Variants in GPC6 observed in about 807,000 individuals in gnomAD.
The protein encoded by GPC6 is glypican-6.
GPC6 carries 14 observed loss-of-function variants against 55.2 expected under a neutral mutation model. The ratio of observed to expected loss-of-function variants is 0.25; its 90% confidence interval spans 0.17 to 0.40. The LOEUF is 0.40. Ranked by LOEUF, GPC6 falls within the 10% of genes least tolerant of loss-of-function variation. The pLI is 1.00. For missense variants in GPC6, 641 were observed against 708.5 expected, an observed-to-expected ratio of 0.90 and a Z score of 1.08; for synonymous variants, 278 against 259.6, an observed-to-expected ratio of 1.07 and a Z score of -0.68.
intron 3 of GPC6, among the ~76,000 whole-genome samples, chr13:93,865,403 C>T (rs548321631): frequency 5.3e-5 from 8 of 151,820 alleles, no homozygotes; most frequent in South Asian, 2.1e-4. Context: ...TGATGGACAG[C>T]GTGAGACACC....
At chr13:93,917,197 A>G in intron 3 of GPC6, among the ~76,000 whole-genome samples, 1 of 152,308 alleles carries the variant, frequency 6.6e-6, no homozygotes, top group Admixed American at 6.5e-5. Flanking sequence ...GTTTTTTAAT[A>G]TTCAAAAACA....
At chr13:93,310,139 T>C (rs1283686078) in intron 1 of GPC6, among the ~76,000 whole-genome samples, 1 of 152,176 alleles carries the variant, frequency 6.6e-6, no homozygotes, top group Non-Finnish European at 1.5e-5. Flanking sequence ...TCCCATTCAG[T>C]CTTTCTTGTA....
At chr13:93,656,011 A>G (rs1880649252) in intron 2 of GPC6, among the ~76,000 whole-genome samples, 1 of 152,200 alleles carries the variant, frequency 6.6e-6, no homozygotes, top group South Asian at 2.1e-4. Context: ...AATTTGTACT[A>G]GGGAGATGAA....
chr13:93,314,337 A>G (rs1879170359), intron 1 of GPC6, among the ~76,000 whole-genome samples: 2 of 152,178 alleles, frequency 1.3e-5, no homozygotes, highest in Non-Finnish European at 2.9e-5. Flanking sequence ...TGATCACATC[A>G]GTTAAGCACA....
chr13:94,043,745 G>A (rs1594690552), intron 4 of GPC6, among the ~76,000 whole-genome samples: 1 of 151,770 alleles, frequency 6.6e-6, no homozygotes, highest in East Asian at 1.9e-4. Context: ...ATGTATATAA[G>A]TTGGAGTTGC....
At chr13:94,109,895 G>A (rs1202561941) in intron 4 of GPC6, among the ~76,000 whole-genome samples, 1 of 151,876 alleles carries the variant, frequency 6.6e-6, no homozygotes, top group African/African-American at 2.4e-5. Context: ...TCTAGTCATT[G>A]TGGCTCCATC....
At chr13:94,143,381 GTATTTCTA>G (rs1031814660) in intron 4 of GPC6, among the ~76,000 whole-genome samples, 15 of 152,138 alleles carry the variant, frequency 9.9e-5, no homozygotes, top group African/African-American at 3.1e-4. Flanking sequence ...TTGACAGAGA[GTATTTCTA>G]TATAGGCAGT....
At chr13:93,830,784 T>C (rs1887460973) in intron 3 of GPC6, 5 of 505,866 alleles carry the variant, frequency 9.9e-6, no homozygotes, top group Non-Finnish European at 1.8e-5. Flanking sequence ...TGTTAATACT[T>C]ATCAGCAGTA....
chr13:94,074,265 TA>T (rs1406251496), intron 4 of GPC6, among the ~76,000 whole-genome samples: 1 of 152,194 alleles, frequency 6.6e-6, no homozygotes, highest in African/African-American at 2.4e-5. Flanking sequence ...CTTTTCAAAA[TA>T]GGGGCAAATA....
intron 1 of GPC6, among the ~76,000 whole-genome samples, chr13:93,320,035 T>C (rs1445363747): frequency 3.3e-5 from 5 of 152,128 alleles, no homozygotes; most frequent in African/African-American, 1.2e-4. Context: ...TTTGATCATA[T>C]GAAAATCCAT....
intron 2 of GPC6, among the ~76,000 whole-genome samples, chr13:93,810,237 A>G (rs1023740026): frequency 1.3e-5 from 2 of 152,212 alleles, no homozygotes; most frequent in African/African-American, 4.8e-5. Flanking sequence ...TTTGGAAAGC[A>G]TTCAAGATTC....
chr13:93,361,776 T>G (rs548543677), intron 1 of GPC6, among the ~76,000 whole-genome samples: 2 of 152,142 alleles, frequency 1.3e-5, no homozygotes, highest in Non-Finnish European at 2.9e-5. Flanking sequence ...GCAGTAGTGG[T>G]TAGGCAGAAA....
chr13:93,439,459 G>A (rs1877694054), intron 1 of GPC6, among the ~76,000 whole-genome samples: 1 of 152,038 alleles, frequency 6.6e-6, no homozygotes, highest in Admixed American at 6.6e-5. Context: ...TCTCTTGCTT[G>A]CCACCATGTA....
intron 1 of GPC6, among the ~76,000 whole-genome samples, chr13:93,373,416 G>T (rs1472641650): frequency 6.6e-6 from 1 of 152,064 alleles, no homozygotes; most frequent in Non-Finnish European, 1.5e-5. Context: ...CTCTAAACAG[G>T]GATCTAATTC....
chr13:93,991,423 C>A (rs1881301344), intron 3 of GPC6, among the ~76,000 whole-genome samples: 1 of 152,058 alleles, frequency 6.6e-6, no homozygotes, highest in South Asian at 2.1e-4. Context: ...TTTTCTCTAC[C>A]ACACTATTTT....
intron 1 of GPC6, among the ~76,000 whole-genome samples, chr13:93,499,451 A>C (rs1342695008): frequency 6.6e-6 from 1 of 152,188 alleles, no homozygotes; most frequent in African/African-American, 2.4e-5. Context: ...TCATATTGGC[A>C]TTCACTTCAT....
intron 2 of GPC6, among the ~76,000 whole-genome samples, chr13:93,794,682 AG>A (rs1207855168): frequency 6.6e-6 from 1 of 152,146 alleles, no homozygotes; most frequent in Non-Finnish European, 1.5e-5. Context: ...GTGACCCGTC[AG>A]GGGGGATACT....
At chr13:94,250,883 C>T (rs1250448592) in intron 4 of GPC6, among the ~76,000 whole-genome samples, 2 of 152,086 alleles carry the variant, frequency 1.3e-5, no homozygotes, top group African/African-American at 4.8e-5. Flanking sequence ...TTAAATTCCT[C>T]TTAAAGGTGC....
At chr13:93,741,152 C>T (rs973210416) in intron 2 of GPC6, among the ~76,000 whole-genome samples, 2 of 102,884 alleles carry the variant, frequency 1.9e-5, no homozygotes, top group African/African-American at 3.7e-5. Flanking sequence ...GAGACGAAAT[C>T]TCCCTCTGTC....
Sources: allele counts gnomAD v4.1 joint callset (sites outside exome capture counted in the v4.1 genomes callset), GRCh38; gene constraint gnomAD v4.1.1; transcripts MANE v1.5; gene names NCBI Gene and HGNC (gene_info 2026-07-23, HGNC 2026-07-21).